Variants in RTN1 observed in about 807,000 individuals in gnomAD.
The protein encoded by RTN1 is reticulon 1, also known as reticulon-1.
In RTN1, 25 loss-of-function variants were observed where a neutral mutation model predicts 65.5. That is an observed-to-expected ratio of 0.38 (90% CI 0.28 to 0.53). The LOEUF (loss-of-function observed/expected upper bound fraction) is 0.53. Among genes scored for constraint, RTN1 ranks in the 20% least tolerant of loss-of-function variants. The pLI is 0.79. For missense variants in RTN1, 983 were observed against 1,025.4 expected (o/e 0.96, Z 0.57); for synonymous variants, 471 against 447.6 (o/e 1.05, Z -0.66).
intron 3 of RTN1, among the ~76,000 whole-genome samples, chr14:59,707,079 A>C (rs1884310712): frequency 6.6e-6 from 1 of 152,240 alleles, no homozygotes; most frequent in African/African-American, 2.4e-5. Flanking sequence ...AATTCTGAAG[A>C]ACTGAGAACT....
intron 3 of RTN1, among the ~76,000 whole-genome samples, chr14:59,715,323 A>G (rs1884511208): frequency 6.6e-6 from 1 of 152,212 alleles, no homozygotes; most frequent in Non-Finnish European, 1.5e-5. Context: ...TTCCTCATCA[A>G]CAAGTCCCTT....
At chr14:59,818,595 T>C (rs1009295647) in intron 1 of RTN1, among the ~76,000 whole-genome samples, 3 of 152,254 alleles carry the variant, frequency 2.0e-5, no homozygotes, top group Admixed American at 1.3e-4. Context: ...TTCCATGTCT[T>C]TGTCATCGCG....
At chr14:59,712,223 T>C (rs1227277783) in intron 3 of RTN1, among the ~76,000 whole-genome samples, 1 of 152,030 alleles carries the variant, frequency 6.6e-6, no homozygotes, top group Non-Finnish European at 1.5e-5. Flanking sequence ...CCAAAATACA[T>C]AGGCCTAAAG....
chr14:59,739,136 C>T (rs1386763886), intron 2 of RTN1, among the ~76,000 whole-genome samples: 1 of 151,658 alleles, frequency 6.6e-6, no homozygotes, highest in Non-Finnish European at 1.5e-5. Flanking sequence ...GCACATCCTG[C>T]ACATGTACCC....
At chr14:59,620,209 C>T (rs560144847) in intron 3 of RTN1, among the ~76,000 whole-genome samples, 57 of 152,092 alleles carry the variant, frequency 3.7e-4, no homozygotes, top group South Asian at 2.3e-3. Flanking sequence ...GCCACAGATA[C>T]GTGTTGAGGT....
rs189776602 is a variant in RTN1 at position 59,791,335 on chromosome 14, T to C, written c.242-44854A>G. Reference sequence around the variant, plus strand: ...TCTGACACCTCTTCATCTTCTTATATGTTCAGTCTGACAGTTGAGAATTTC... The same window carrying C: ...TCTGACACCTCTTCATCTTCTTATACGTTCAGTCTGACAGTTGAGAATTTC... On this transcript the variant is annotated intron_variant, in intron 1 of 8. Transcript: ENST00000267484. 9.2e-5 allele frequency among the ~76,000 whole-genome samples: 14 copies of C among 152,304 alleles called. No homozygotes were observed. The South Asian group carries it at 2.3e-3, about 25-fold the overall frequency.
intron 3 of RTN1, among the ~76,000 whole-genome samples, chr14:59,722,031 A>G (rs1884658521): frequency 6.6e-6 from 1 of 152,214 alleles, no homozygotes. Flanking sequence ...TTCTAACTCT[A>G]TTTACACATG....
At chr14:59,759,078 T>C (rs920975232) in intron 1 of RTN1, among the ~76,000 whole-genome samples, 4 of 152,174 alleles carry the variant, frequency 2.6e-5, no homozygotes, top group Admixed American at 6.5e-5. Flanking sequence ...AGGTCCCATA[T>C]GGCACATCAT....
chr14:59,743,228 T>C (rs1036711318), intron 2 of RTN1, among the ~76,000 whole-genome samples: 13 of 152,250 alleles, frequency 8.5e-5, no homozygotes, highest in East Asian at 1.9e-4. Context: ...CAGAACCCAA[T>C]TGGGCCATGG....
chr14:59,687,751 A>T (rs536777877), intron 3 of RTN1, among the ~76,000 whole-genome samples: 3 of 151,304 alleles, frequency 2.0e-5, no homozygotes, highest in African/African-American at 4.9e-5. Flanking sequence ...CCATTCCTAT[A>T]CAGAGATCCT....
chr14:59,731,899 A>G (rs566745671), intron 2 of RTN1, among the ~76,000 whole-genome samples: 28 of 152,260 alleles, frequency 1.8e-4, no homozygotes, highest in African/African-American at 6.3e-4. Context: ...GATTTTACCC[A>G]TTTCCACCAT....
At chr14:59,861,307 CTT>C (rs1887705725) in intron 1 of RTN1, among the ~76,000 whole-genome samples, 1 of 152,202 alleles carries the variant, frequency 6.6e-6, no homozygotes, top group Non-Finnish European at 1.5e-5. Context: ...CAATCTCTCT[CTT>C]TGCCTGCTGC....
chr14:59,843,443 G>A (rs1887350685), intron 1 of RTN1, among the ~76,000 whole-genome samples: 1 of 152,172 alleles, frequency 6.6e-6, no homozygotes, highest in Non-Finnish European at 1.5e-5. Flanking sequence ...TTCCTTTTCT[G>A]TATGTTAATT....
intron 1 of RTN1, among the ~76,000 whole-genome samples, chr14:59,807,070 T>A (rs1355429108): frequency 6.6e-6 from 1 of 152,164 alleles, no homozygotes; most frequent in Non-Finnish European, 1.5e-5. Context: ...GTGATAAAAG[T>A]GTTAAAGTTG....
intron 3 of RTN1, among the ~76,000 whole-genome samples, chr14:59,636,587 T>G (rs1882670720): frequency 6.6e-6 from 1 of 152,110 alleles, no homozygotes; most frequent in South Asian, 2.1e-4. Context: ...GTTAATAGAG[T>G]ATTATATAGT....
intron 2 of RTN1, 109 bp downstream of exon 2, chr14:59,745,599 A>C: frequency 1.1e-6 from 1 of 930,282 alleles, no homozygotes; most frequent in Middle Eastern, 2.7e-4. Flanking sequence ...TAAGGGGTCC[A>C]GATAGTAAAG....
At chr14:59,713,285 A>G (rs1354365456) in intron 3 of RTN1, among the ~76,000 whole-genome samples, 1 of 152,114 alleles carries the variant, frequency 6.6e-6, no homozygotes, top group African/African-American at 2.4e-5. Context: ...GGGGGAAAGG[A>G]CCTCAGGCAT....
intron 6 of RTN1, chr14:59,603,642 A>T (rs530752899): frequency 8.8e-6 from 3 of 342,460 alleles, no homozygotes; most frequent in Admixed American, 8.6e-5. Flanking sequence ...AAGAAAAAAA[A>T]CCCTTTAGAC....
At chr14:59,850,057 C>T (rs559060911) in intron 1 of RTN1, among the ~76,000 whole-genome samples, 1 of 152,246 alleles carries the variant, frequency 6.6e-6, no homozygotes, top group South Asian at 2.1e-4. Flanking sequence ...CTCACTTCTG[C>T]TTCTGGTGTC....
Sources: gnomAD v4.1 joint callset for allele counts (sites outside exome capture counted in the v4.1 genomes callset) on GRCh38, gnomAD v4.1.1 for gene constraint, MANE v1.5 for transcripts, NCBI Gene and HGNC (gene_info 2026-07-23, HGNC 2026-07-21) for gene names.